The following CSMD1 variants were observed in gnomAD, a reference collection of about 807,000 sequenced individuals.
CSMD1 encodes the protein CUB and sushi domain-containing protein 1.
CSMD1 carries 213 observed loss-of-function variants against 417.5 expected under a neutral mutation model. The ratio of observed to expected loss-of-function variants is 0.51; its 90% CI spans 0.46 to 0.57. The LOEUF is 0.57. CSMD1 is among the 20% of genes least tolerant of loss of function. The pLI is 0.00. For synonymous variants in CSMD1, 2,862 were observed against 1,736.8 expected (o/e 1.65, Z -16.11); for missense variants, 6,923 against 4,529.7 (o/e 1.53, Z -15.17).
Position 3,248,523 on chromosome 8 carries a change from C to CTTTTTTTTTT in CSMD1, c.4154-18302_4154-18293dup, listed in dbSNP as rs10663439. On this transcript the variant is annotated intron_variant, in intron 26 of 69. Transcript: ENST00000635120. ...GGTACGCCTGTAATCAATTCCCTCCCTTTTTTTTTTTTTTTTTTTTTTTTG... is the reference window on the plus strand; with the variant it reads ...GGTACGCCTGTAATCAATTCCCTCCCTTTTTTTTTTTTTTTTTTTTTTTTTTTTTTTTTTG... Among the ~76,000 whole-genome samples the CTTTTTTTTTT allele has an allele frequency of 2.7e-3, 229 of 85,978 alleles. 12 individuals are homozygous for CTTTTTTTTTT. The highest frequency in any genetic ancestry group is 7.8e-3 in the African/African-American group (185 of 23,612). 56.4% of individuals were successfully genotyped at this position (85,978 alleles called of 152,430 possible). A position where few individuals can be genotyped will look rare whatever the true frequency, so the allele number is the denominator to read the frequency against.
intron 5 of CSMD1, among the ~76,000 whole-genome samples, chr8:3,820,153 A>G (rs1801646069): frequency 6.6e-6 from 1 of 152,144 alleles, no homozygotes. Context: ...GTTTAATTTG[A>G]ATGCCTTGCA....
At chr8:4,251,435 C>A (rs1214145927) in intron 3 of CSMD1, among the ~76,000 whole-genome samples, 9 of 152,014 alleles carry the variant, frequency 5.9e-5, no homozygotes, top group Non-Finnish European at 7.4e-5. Flanking sequence ...GAGACAAGAC[C>A]CAAAAGGCAA....
chr8:3,673,720 T>A (rs1799210892), intron 7 of CSMD1, among the ~76,000 whole-genome samples: 1 of 152,172 alleles, frequency 6.6e-6, no homozygotes, highest in South Asian at 2.1e-4. Flanking sequence ...ATATGAGCAC[T>A]GCATTTTAGT....
intron 1 of CSMD1, among the ~76,000 whole-genome samples, chr8:4,864,671 A>G (rs1480861171): frequency 6.6e-6 from 1 of 151,770 alleles, no homozygotes; most frequent in South Asian, 2.1e-4. Context: ...TAATAGTTCT[A>G]CTAACCTGGT....
intron 2 of CSMD1, among the ~76,000 whole-genome samples, chr8:4,553,181 C>T (rs78730383): frequency 0.14 from 20,795 of 152,176 alleles, 1,492 homozygotes; most frequent in Middle Eastern, 0.19. Flanking sequence ...TGTCGCCTCC[C>T]TTTCCCATGT....
At chr8:3,262,230 T>TATACAC (rs770901446) in intron 26 of CSMD1, among the ~76,000 whole-genome samples, 1,522 of 94,934 alleles carry the variant, frequency 0.016, 56 homozygotes, top group Non-Finnish European at 0.021. Context: ...TATATATATA[T>TATACAC]ACACACACAT....
chr8:4,410,337 T>C (rs1450869870), intron 3 of CSMD1, among the ~76,000 whole-genome samples: 1 of 152,184 alleles, frequency 6.6e-6, no homozygotes, highest in African/African-American at 2.4e-5. Flanking sequence ...GTCACACTCA[T>C]AGTGACTGGG....
At chr8:4,395,456 G>A (rs77924030) in intron 3 of CSMD1, among the ~76,000 whole-genome samples, 19,047 of 151,418 alleles carry the variant, frequency 0.13, 1,863 homozygotes, top group African/African-American at 0.27. Flanking sequence ...ATCAAGAATA[G>A]CAGCAAGATT....
chr8:3,633,642 G>C (rs952263444), intron 7 of CSMD1, among the ~76,000 whole-genome samples: 1 of 152,076 alleles, frequency 6.6e-6, no homozygotes, highest in Non-Finnish European at 1.5e-5. Flanking sequence ...AAATGTTAAT[G>C]ACATATTTTT....
At chr8:4,589,192 G>C (rs774498410) in intron 2 of CSMD1, among the ~76,000 whole-genome samples, 1 of 152,116 alleles carries the variant, frequency 6.6e-6, no homozygotes, top group Non-Finnish European at 1.5e-5. Flanking sequence ...GAATTGGATA[G>C]AGCCTTATCA....
chr8:4,583,165 G>A (rs894886553), intron 2 of CSMD1, among the ~76,000 whole-genome samples: 1 of 152,172 alleles, frequency 6.6e-6, no homozygotes, highest in African/African-American at 2.4e-5. Flanking sequence ...ACCATCCTCT[G>A]CTCCACGGCA....
At chr8:4,296,585 G>C (rs921437888) in intron 3 of CSMD1, among the ~76,000 whole-genome samples, 1 of 148,382 alleles carries the variant, frequency 6.7e-6, no homozygotes, top group African/African-American at 2.5e-5. Context: ...CATGCAAAAG[G>C]CAGGTACATT....
chr8:4,841,289 A>G (rs992941028), intron 1 of CSMD1, among the ~76,000 whole-genome samples: 31 of 152,344 alleles, frequency 2.0e-4, no homozygotes, highest in African/African-American at 6.7e-4. Flanking sequence ...ATTAGCCTTA[A>G]GATTTTTAAA....
intron 5 of CSMD1, among the ~76,000 whole-genome samples, chr8:3,891,103 T>C (rs114892688): frequency 0.011 from 1,733 of 152,078 alleles, 30 homozygotes; most frequent in African/African-American, 0.04. Context: ...GGCTGGAGTG[T>C]AGTGTTGTGA....
chr8:4,029,527 G>T (rs72624003), intron 4 of CSMD1, among the ~76,000 whole-genome samples: 8 of 151,916 alleles, frequency 5.3e-5, no homozygotes, highest in African/African-American at 1.2e-4. Flanking sequence ...CAAGAACAGC[G>T]CAGGAAAGAA....
In CSMD1 at chr8:4,994,403, C is replaced by T; in HGVS notation, c.14G>A (p.Arg5Lys). 1.9e-6 allele frequency: 3 copies of T among 1,612,266 alleles called. No homozygotes were observed. The highest frequency in any genetic ancestry group is 2.5e-6 in the Non-Finnish European group (3 of 1,179,810). MTAW[R>K]RFQSLLLLLG... ...AAGCAGGAGCAGCGACTGGAATCTCCTCCACGCAGTCATGTCTGCAGATAC... is the reference window on the plus strand; with the variant it reads ...AAGCAGGAGCAGCGACTGGAATCTCTTCCACGCAGTCATGTCTGCAGATAC... Residue 5 changes from arginine to lysine, a missense_variant, in exon 1 of 70, where the codon AGG (arginine) becomes AAG (lysine). Coordinates refer to ENST00000635120, the MANE Select transcript of CSMD1 (RefSeq NM_033225.6).
At position 3,405,777 on chromosome 8, in the gene CSMD1, C is replaced by A. The variant is rs1218992774; in HGVS notation, c.2266+250G>T. 5.3e-5 allele frequency among the ~76,000 whole-genome samples: 8 copies of A among 152,286 alleles called. No individual in the cohort carries two copies. The South Asian group carries it at 1.5e-3, about 28-fold the overall frequency. ...AGAGATTGCCAAACACCGCCAGGAG[C>A]TGGAGGACCAGCCTGAGGCAGATCC... On this transcript the variant is annotated intron_variant, in intron 15 of 69. Transcript: ENST00000635120.
chr8:4,245,599 G>A lies in CSMD1; in HGVS notation c.415+174354C>T, dbSNP rs536112588. ...TTCACAATCGATCAGCTGGTCAACA[G>A]GTTCCTCTGGTCAACAATGTCATAA... On this transcript the variant is annotated intron_variant, in intron 3 of 69. Coordinates refer to ENST00000635120, the MANE Select transcript of CSMD1 (RefSeq NM_033225.6). Among the ~76,000 whole-genome samples, 30 of 152,296 alleles carry A rather than the reference G, an allele frequency of 2.0e-4. No homozygotes were observed. The South Asian group carries it at 6.0e-3, about 31-fold the overall frequency.
chr8:4,831,290 G>C (rs745959398), intron 1 of CSMD1, among the ~76,000 whole-genome samples: 17 of 152,182 alleles, frequency 1.1e-4, no homozygotes, highest in Non-Finnish European at 2.2e-4. Flanking sequence ...TCCACTGGGA[G>C]TCTTTACTTT....
Sources: gnomAD v4.1 joint callset for allele counts (sites outside exome capture counted in the v4.1 genomes callset) on GRCh38, gnomAD v4.1.1 for gene constraint, MANE v1.5 for transcripts, NCBI Gene and HGNC (gene_info 2026-07-23, HGNC 2026-07-21) for gene names.